Variants in SLX4 observed in about 807,000 individuals in gnomAD.
The protein encoded by SLX4 is structure-specific endonuclease subunit SLX4.
In SLX4, 112 loss-of-function variants were observed where a neutral mutation model predicts 146.2. The ratio of observed to expected loss-of-function variants is 0.77; its 90% CI spans 0.66 to 0.90. The LOEUF (loss-of-function observed/expected upper bound fraction) is 0.90. Among genes scored for constraint, SLX4 ranks in the 40% least tolerant of loss-of-function variants. The probability of loss-of-function intolerance (pLI) is 0.00; values close to 1 mark genes in which losing one functional copy is unlikely to be tolerated. For synonymous variants in SLX4, 1,061 were observed against 997.7 expected (o/e 1.06, Z -1.20); for missense variants, 2,563 against 2,392.7 (o/e 1.07, Z -1.49).
At chr16:3,601,225 C>G (rs1442521593) in intron 4 of SLX4, 34 bp from the exon 5 acceptor site, 1 of 1,606,268 alleles carries the variant, frequency 6.2e-7, no homozygotes, top group Admixed American at 1.7e-5. Flanking sequence ...GAGAACCACC[C>G]TCCCCAGGAA....
Position 3,606,668 on chromosome 16 carries a change from G to A in SLX4, c.566C>T (p.Pro189Leu), listed in dbSNP as rs2151138065. The change falls in exon 3 of 15, where the codon CCT becomes CTT. Residue 189 changes from proline to leucine, a missense_variant. Coordinates refer to ENST00000294008, the MANE Select transcript of SLX4 (RefSeq NM_032444.4). ...ENVPNSDSQP[P>L]PSCLTTAVPS... Reference sequence around the variant, plus strand: ...CACTGCTGTTGTCAAACAGGAAGGAGGAGGCTGGGAGTCGCTGTTGGGCAC... The same window carrying A: ...CACTGCTGTTGTCAAACAGGAAGGAAGAGGCTGGGAGTCGCTGTTGGGCAC... 1 of 1,614,228 alleles carries A rather than the reference G, an allele frequency of 6.2e-7. No individual in the cohort carries two copies. Among genetic ancestry groups the A allele is most frequent in the Non-Finnish European group, 8.5e-7 (1 of 1,180,054 alleles).
Position 3,599,031 on chromosome 16 carries a change from A to T in SLX4, c.1164-1032T>A, listed in dbSNP as rs184402512. Among the ~76,000 whole-genome samples the T allele has an allele frequency of 2.6e-5, 4 of 152,308 alleles. No individual in the cohort carries two copies. The East Asian group carries it at 7.7e-4, about 29-fold the overall frequency. On this transcript the variant is annotated intron_variant, in intron 5 of 14. Coordinates refer to ENST00000294008, the MANE Select transcript of SLX4 (RefSeq NM_032444.4). ...TCTACTCTGACAACCTTCTAAACGG[A>T]TCCACATACATCTAGTTTCAGTACT...
intron 12 of SLX4, among the ~76,000 whole-genome samples, chr16:3,588,208 C>T (rs908701490): frequency 6.6e-6 from 1 of 152,202 alleles, no homozygotes; most frequent in East Asian, 1.9e-4. Context: ...AAAAGGACAC[C>T]CTGTATCCCA....
chr16:3,590,603 C>G lies in SLX4; in HGVS notation c.3035G>C (p.Arg1012Thr), dbSNP rs777705889. 2 of 1,613,854 alleles carry G rather than the reference C, an allele frequency of 1.2e-6. No homozygotes were observed. Among genetic ancestry groups the G allele is most frequent in the Non-Finnish European group, 1.7e-6 (2 of 1,179,758 alleles). The change falls in exon 12 of 15, where the codon AGG becomes ACG. Residue 1012 changes from arginine (R) to threonine (T), a missense_variant. Physicochemically the swap from Arg to Thr is moderately conservative, Grantham distance 71. Transcript: ENST00000294008. The surrounding 1 kb of genome is among the most constrained non-coding windows in gnomAD (Gnocchi z 4.8). Reference protein sequence around the residue: ...SEPEEQSGAVRERGLEVSHRL... With the variant: ...SEPEEQSGAVTERGLEVSHRL... ...ATGAGAAACCTCCAGCCCCCTTTCC[C>G]TGACAGCGCCACTTTGTTCCTCGGG...
chr16:3,582,103 G>A lies in SLX4; in HGVS notation c.*239C>T. ...CACTGTGAGCACGGACAGAGGAAGG[G>A]GCTGGAGTCTGTAAATCCAGTGGGT... On this transcript the variant is annotated 3_prime_UTR_variant, in exon 15 of 15. Transcript: ENST00000294008. 3.4e-6 allele frequency: 2 copies of A among 593,150 alleles called. No homozygotes were observed. Among genetic ancestry groups the A allele is most frequent in the Admixed American group, 3.0e-5 (1 of 33,762 alleles). 36.7% of individuals were successfully genotyped at this position (593,150 alleles called of 1,614,324 possible).
In SLX4 at chr16:3,590,670, T is replaced by G. The variant is rs752601531; in HGVS notation, c.2968A>C (p.Thr990Pro). The change falls in exon 12 of 15, where the codon ACT becomes CCT. Residue 990 changes from threonine to proline, a missense_variant. Thr to Pro is a conservative substitution (Grantham distance 38). Coordinates refer to ENST00000294008, the MANE Select transcript of SLX4 (RefSeq NM_032444.4). The surrounding 1 kb of genome is among the most constrained non-coding windows in gnomAD (Gnocchi z 4.8). ...AGDYEQLFSS[T>P]QGEISEPSQI... Reference sequence around the variant, plus strand: ...GACGGCTCTGAGATCTCTCCCTGAGTTGATGAGAAGAGCTGTTCGTAATCC... The same window carrying G: ...GACGGCTCTGAGATCTCTCCCTGAGGTGATGAGAAGAGCTGTTCGTAATCC... 1 of 1,614,148 alleles carries G rather than the reference T, an allele frequency of 6.2e-7. No homozygotes were observed. Among genetic ancestry groups the G allele is most frequent in the Non-Finnish European group, 8.5e-7 (1 of 1,180,030 alleles).
chr16:3,588,850 G>C (rs1308051643), intron 12 of SLX4, 152 bp downstream of exon 12: 7 of 951,424 alleles, frequency 7.4e-6, no homozygotes, highest in Non-Finnish European at 1.2e-5. Flanking sequence ...CCTCCACTGT[G>C]GAGGGGAGTC....
chr16:3,596,256 C>T lies in SLX4; in HGVS notation c.1821G>A (p.Arg607=). The T allele has an allele frequency of 3.2e-6, 5 of 1,559,590 alleles. No individual in the cohort carries two copies. Among genetic ancestry groups the T allele is most frequent in the Non-Finnish European group, 3.5e-6 (4 of 1,153,514 alleles). ...SRGPSPSASQ[R]EHQALQDLVD... is the part of the protein sequence containing the mutation. ...CGAGGTCCTGCAGGGCCTGGTGCTC[C>T]CTCTGGCTGGCCGAAGGCGACGGGC... The change falls in exon 8 of 15, where the codon AGG becomes AGA. Residue 607 remains arginine, a synonymous_variant. Coordinates refer to ENST00000294008, the MANE Select transcript of SLX4 (RefSeq NM_032444.4).
chr16:3,586,230 A>G (rs1404066319), intron 12 of SLX4, among the ~76,000 whole-genome samples: 1 of 152,190 alleles, frequency 6.6e-6, no homozygotes, highest in Non-Finnish European at 1.5e-5. Context: ...ACCACAAATT[A>G]AAAACAACCC....
At chr16:3,593,692 A>G (rs758449790) in intron 10 of SLX4, among the ~76,000 whole-genome samples, 3 of 152,220 alleles carry the variant, frequency 2.0e-5, no homozygotes, top group Admixed American at 2.0e-4. Flanking sequence ...TATGGGATCC[A>G]GAACTTTGAC....
rs765351696 is a variant in SLX4 at position 3,597,658 on chromosome 16, G to C, written c.1404C>G (p.Pro468=). The change falls in exon 7 of 15, where the codon CCC becomes CCG. Residue 468 remains proline, a synonymous_variant. Coordinates refer to ENST00000294008, the MANE Select transcript of SLX4 (RefSeq NM_032444.4). This position sits in a 1 kb window ranked among gnomAD's most constrained non-coding sequence, Gnocchi z 4.4. ...CAGAGTCCTGGACTAACAACAATGG[G>C]GGGGATACCGGGGGTTTCTTCTTGC... is the stretch of plus-strand genomic sequence containing the variant. ...KSRKKKPPVS[P]PLLLVQDSET... 8.7e-6 allele frequency: 14 copies of C among 1,613,978 alleles called. No individual in the cohort carries two copies. The Admixed American group carries it at 1.7e-4, about 19-fold the overall frequency.
chr16:3,606,685 G>A lies in SLX4; in HGVS notation c.549C>T (p.Asn183=), dbSNP rs2040788877. The change falls in exon 3 of 15, where the codon AAC becomes AAT. Residue 183 remains asparagine, a synonymous_variant. Coordinates refer to ENST00000294008, the MANE Select transcript of SLX4 (RefSeq NM_032444.4). ...AGGAAGGAGGAGGCTGGGAGTCGCTGTTGGGCACATTCTCTGGCAAGGAGG... is the reference window on the plus strand; with the variant it reads ...AGGAAGGAGGAGGCTGGGAGTCGCTATTGGGCACATTCTCTGGCAAGGAGG... ...SREKTRENVP[N]SDSQPPPSCL... is the part of the protein sequence containing the mutation. The A allele has an allele frequency of 6.2e-7, 1 of 1,614,146 alleles. No individual in the cohort carries two copies.
Position 3,596,178 on chromosome 16 carries a change from GC to G in SLX4, c.1898del (p.Gly633AlafsTer20). 1 of 1,551,482 alleles carries G rather than the reference GC, an allele frequency of 6.4e-7. No homozygotes were observed. On this transcript the variant is annotated frameshift_variant, in exon 8 of 15. Transcript: ENST00000294008. LOFTEE classifies it high-confidence loss of function. ...LSASPWPGSGGLAGSEGTAGL... is the reference protein window; with the variant it reads ...LSASPWPGSGXLAGSEGTAGL... ...CTGCAGTCCCTTCCGAGCCAGCCAG[GC>G]CCCCACTGCCGGGCCACGGGCTGGC...
At position 3,608,991 on chromosome 16, in the gene SLX4, G is replaced by C. The variant is rs772598872; in HGVS notation, c.-27C>G. 1.4e-5 allele frequency: 22 copies of C among 1,605,394 alleles called. No individual in the cohort carries two copies. The highest frequency in any genetic ancestry group is 3.3e-5 in the Admixed American group (2 of 59,930). On this transcript the variant is annotated 5_prime_UTR_variant, in exon 2 of 15. The change creates a new upstream start codon in the 5' untranslated region. Transcript: ENST00000294008. ...AGGGTTCTTCTCTACTTCTCCATTA[G>C]ATACTTGGAGAGTTTGCACAATTGA...
intron 8 of SLX4, among the ~76,000 whole-genome samples, 169 bp downstream of exon 8, chr16:3,595,984 C>T (rs933494526): frequency 4.6e-5 from 7 of 152,278 alleles, no homozygotes; most frequent in African/African-American, 1.4e-4. Context: ...GTTGTCTACA[C>T]CACATTGACC....
intron 12 of SLX4, 127 bp from the exon 13 acceptor site, chr16:3,584,998 A>G: frequency 1.3e-6 from 1 of 777,604 alleles, no homozygotes; most frequent in South Asian, 1.4e-5. Context: ...TGCTCCATGA[A>G]AGCAACAGTG....
chr16:3,605,180 C>T (rs1333838295), intron 3 of SLX4, among the ~76,000 whole-genome samples: 1 of 152,034 alleles, frequency 6.6e-6, no homozygotes. Context: ...AGCTCTGTCT[C>T]CCAGGTTCAC....
rs2040815134 is a variant in SLX4, at chr16:3,608,761, C to T, written c.204G>A (p.Lys68=). ...FFQRVKKHGI[K]EVSGERKTQK... ...GTGTCTTCCTTTCTCCTGACACTTC[C>T]TTGATTCCATGTTTTTTCACCCTTT... The change falls in exon 2 of 15, where the codon AAG becomes AAA. Residue 68 remains lysine (K), a synonymous_variant. Transcript: ENST00000294008. 1.2e-6 allele frequency: 2 copies of T among 1,614,034 alleles called. No homozygotes were observed. The highest frequency in any genetic ancestry group is 1.7e-6 in the Non-Finnish European group (2 of 1,180,032).
At chr16:3,600,761 AAT>A in intron 5 of SLX4, 1 of 507,558 alleles carries the variant, frequency 2.0e-6, no homozygotes, top group Non-Finnish European at 3.6e-6. Context: ...CCACCATGCT[AAT>A]TTTTGTATTT....
Sources: gnomAD v4.1 joint callset for allele counts (sites outside exome capture counted in the v4.1 genomes callset) on GRCh38, gnomAD v4.1.1 for gene constraint, Gnocchi (gnomAD v3.1) non-coding constraint, MANE v1.5 for transcripts, NCBI Gene and HGNC (gene_info 2026-07-23, HGNC 2026-07-21) for gene names.